Variants in FSTL5 observed in about 807,000 individuals in gnomAD.
FSTL5 encodes follistatin like 5.
FSTL5 carries 62 observed loss-of-function variants against 89.1 expected under a neutral mutation model. That is an observed-to-expected ratio of 0.70 (90% CI 0.57 to 0.86). The LOEUF (loss-of-function observed/expected upper bound fraction) is 0.86. Ranked by LOEUF, FSTL5 falls within the 40% of genes least tolerant of loss-of-function variation. The pLI, the probability that FSTL5 is intolerant of heterozygous loss-of-function variation, is 0.00. For synonymous variants in FSTL5, 383 were observed against 346.2 expected (o/e 1.11, Z -1.18); for missense variants, 1,057 against 1,001.6 (o/e 1.06, Z -0.75).
chr4:161,836,754 T>A (rs1731056727), intron 4 of FSTL5, among the ~76,000 whole-genome samples: 1 of 152,030 alleles, frequency 6.6e-6, no homozygotes, highest in Admixed American at 6.6e-5. Context: ...TAAAAATAAA[T>A]TTTTTAAATA....
chr4:161,598,830 A>G (rs1004353176), intron 7 of FSTL5, among the ~76,000 whole-genome samples: 77 of 152,264 alleles, frequency 5.1e-4, no homozygotes, highest in African/African-American at 1.7e-3. Context: ...CACAAAAATC[A>G]AGAGCAAAGG....
intron 6 of FSTL5, among the ~76,000 whole-genome samples, chr4:161,725,006 C>T (rs566021449): frequency 6.6e-6 from 1 of 152,160 alleles, no homozygotes; most frequent in South Asian, 2.1e-4. Flanking sequence ...GCCAGCCTGG[C>T]CAACATGGTG....
At chr4:161,805,392 A>G (rs1397097383) in intron 4 of FSTL5, among the ~76,000 whole-genome samples, 3 of 152,130 alleles carry the variant, frequency 2.0e-5, no homozygotes, top group Non-Finnish European at 4.4e-5. Flanking sequence ...AAACCACTGA[A>G]GCATTTCAGA....
At chr4:161,619,855 C>A (rs1407147926) in intron 7 of FSTL5, among the ~76,000 whole-genome samples, 3 of 151,938 alleles carry the variant, frequency 2.0e-5, no homozygotes, top group East Asian at 3.9e-4. Flanking sequence ...ACCCAAAGGA[C>A]TATAAATCAT....
intron 6 of FSTL5, among the ~76,000 whole-genome samples, chr4:161,755,696 T>C (rs915954984): frequency 1.3e-5 from 2 of 152,098 alleles, no homozygotes; most frequent in Admixed American, 1.3e-4. Context: ...TCACTGTCTG[T>C]CTGAGATTAT....
intron 15 of FSTL5, among the ~76,000 whole-genome samples, chr4:161,413,276 AAAAAAAAT>A (rs777105807): frequency 0.23 from 3,364 of 14,556 alleles, 376 homozygotes; most frequent in Non-Finnish European, 0.36. Context: ...AAAAAAAAAA[AAAAAAAAT>A]AAAGACACAC....
chr4:162,143,848 T>A (rs1732860387), intron 1 of FSTL5, among the ~76,000 whole-genome samples: 1 of 148,240 alleles, frequency 6.7e-6, no homozygotes. Context: ...GGAAAAAAAA[T>A]ACCTTTGCAG....
intron 4 of FSTL5, among the ~76,000 whole-genome samples, chr4:161,893,625 C>G (rs1244462783): frequency 6.6e-6 from 1 of 152,098 alleles, no homozygotes; most frequent in Non-Finnish European, 1.5e-5. Context: ...CTTTTGTTTT[C>G]TCATCAGGTA....
chr4:161,606,342 G>A (rs1352939192), intron 7 of FSTL5, among the ~76,000 whole-genome samples: 1 of 147,888 alleles, frequency 6.8e-6, no homozygotes, highest in Non-Finnish European at 1.5e-5. Context: ...CTGACTACCG[G>A]CTTCAGGTGA....
intron 2 of FSTL5, among the ~76,000 whole-genome samples, chr4:162,075,317 G>T: frequency 6.6e-6 from 1 of 151,932 alleles, no homozygotes; most frequent in Non-Finnish European, 1.5e-5. Context: ...CCAATTAGAT[G>T]AATTTGCATA....
intron 5 of FSTL5, among the ~76,000 whole-genome samples, chr4:161,759,825 A>G (rs963363491): frequency 6.6e-6 from 1 of 152,128 alleles, no homozygotes; most frequent in Non-Finnish European, 1.5e-5. Flanking sequence ...TTTGTATTTC[A>G]TGCATTTTCT....
chr4:161,966,426 G>A (rs2110997390), intron 3 of FSTL5, among the ~76,000 whole-genome samples: 1 of 152,126 alleles, frequency 6.6e-6, no homozygotes, highest in African/African-American at 2.4e-5. Context: ...GCCTATTATT[G>A]GCTGAATTGC....
intron 7 of FSTL5, among the ~76,000 whole-genome samples, chr4:161,611,123 C>CATATAT (rs201910594): frequency 7.0e-6 from 1 of 143,528 alleles, no homozygotes; most frequent in African/African-American, 2.6e-5. Context: ...AGAAAAGATA[C>CATATAT]ATATATATAT....
chr4:162,140,404 GT>G (rs1219853252), intron 1 of FSTL5, among the ~76,000 whole-genome samples: 1 of 140,034 alleles, frequency 7.1e-6, no homozygotes, highest in East Asian at 2.1e-4. Context: ...GGAAACTTTG[GT>G]TTTATTTTTA....
At chr4:161,958,459 T>C (rs1735083502) in intron 3 of FSTL5, among the ~76,000 whole-genome samples, 1 of 152,124 alleles carries the variant, frequency 6.6e-6, no homozygotes, top group South Asian at 2.1e-4. Flanking sequence ...ATAAATATTA[T>C]TGAGGGCATT....
intron 15 of FSTL5, among the ~76,000 whole-genome samples, chr4:161,426,168 G>A (rs1732161231): frequency 6.6e-6 from 1 of 151,792 alleles, no homozygotes; most frequent in Non-Finnish European, 1.5e-5. Context: ...TTAAATTTTT[G>A]AATTAACTAT....
intron 3 of FSTL5, among the ~76,000 whole-genome samples, chr4:161,940,292 CT>C (rs1734542718): frequency 6.6e-6 from 1 of 151,706 alleles, no homozygotes; most frequent in African/African-American, 2.4e-5. Flanking sequence ...CTTATGAGAT[CT>C]GTGGAATGCC....
At position 161,548,239 on chromosome 4, in the gene FSTL5, A is replaced by G. The variant is rs986291800; in HGVS notation, c.1016-5546T>C. ...CACTTTTGTTCATTTAATTAGTCAT[A>G]TATTGATTACTTAGTATCTGCGATA... is the stretch of plus-strand genomic sequence containing the variant. On this transcript the variant is annotated intron_variant, in intron 8 of 15. Coordinates refer to ENST00000306100, the MANE Select transcript of FSTL5 (RefSeq NM_020116.5). Among the ~76,000 whole-genome samples, 3 of 151,888 alleles carry G rather than the reference A, an allele frequency of 2.0e-5. No individual in the cohort carries two copies. In the East Asian group the frequency reaches 5.8e-4, roughly 30 times the overall value.
At chr4:161,464,880 C>T (rs1459349471) in intron 13 of FSTL5, among the ~76,000 whole-genome samples, 1 of 152,062 alleles carries the variant, frequency 6.6e-6, no homozygotes, top group African/African-American at 2.4e-5. Flanking sequence ...CTGCACCAGG[C>T]TTATACAACC....
Sources: gnomAD v4.1 joint callset for allele counts (sites outside exome capture counted in the v4.1 genomes callset) on GRCh38, gnomAD v4.1.1 for gene constraint, MANE v1.5 for transcripts, NCBI Gene and HGNC (gene_info 2026-07-23, HGNC 2026-07-21) for gene names.